Variants in COL4A6 observed in about 807,000 individuals in gnomAD.
COL4A6 encodes collagen type IV alpha 6 chain, also known as collagen alpha-6(IV) chain.
COL4A6 carries 59 observed loss-of-function variants against 126.7 expected under a neutral mutation model. That is an observed-to-expected ratio of 0.47 (90% CI 0.38 to 0.58). The LOEUF (loss-of-function observed/expected upper bound fraction) is 0.58, where lower values mean the gene tolerates loss of function less well. Among genes scored for constraint, COL4A6 ranks in the 20% least tolerant of loss-of-function variants. The probability of loss-of-function intolerance (pLI) is 0.00; values close to 1 mark genes in which losing one functional copy is unlikely to be tolerated. For missense variants in COL4A6, 1,285 were observed against 1,337.3 expected (o/e 0.96, Z 0.61); for synonymous variants, 547 against 496.6 (o/e 1.10, Z -1.35).
chrX:108,400,468 C>G (rs1459031717), intron 2 of COL4A6, among the ~76,000 whole-genome samples: 6 of 111,372 alleles, frequency 5.4e-5, no homozygotes, highest in Admixed American at 9.6e-5. Flanking sequence ...AGAGCTGCAT[C>G]TCAGAGCAAT....
intron 3 of COL4A6, among the ~76,000 whole-genome samples, chrX:108,298,405 G>A (rs2147869533): frequency 8.9e-6 from 1 of 112,448 alleles, no homozygotes; most frequent in Non-Finnish European, 1.9e-5. Flanking sequence ...AGCCTGGGCT[G>A]GCAGGGGGAA....
At chrX:108,377,556 C>CTTT (rs199647476) in intron 2 of COL4A6, among the ~76,000 whole-genome samples, 1 of 86,450 alleles carries the variant, frequency 1.2e-5, no homozygotes, top group Admixed American at 1.3e-4. Context: ...AAAAAAATTT[C>CTTT]TTTTTTTTTT....
intron 2 of COL4A6, among the ~76,000 whole-genome samples, chrX:108,406,869 T>C (rs2041218174): frequency 8.9e-6 from 1 of 112,085 alleles, no homozygotes; most frequent in East Asian, 2.8e-4. Context: ...TGTGTGTCTG[T>C]CTTCCTTGCT....
At chrX:108,208,829 T>G (rs1429169526) in intron 8 of COL4A6, among the ~76,000 whole-genome samples, 7 of 111,169 alleles carry the variant, frequency 6.3e-5, no homozygotes, top group Non-Finnish European at 1.3e-4. Flanking sequence ...CAGAAATAAA[T>G]GATAGTCTGA....
At chrX:108,237,547 T>C (rs2036458681) in intron 3 of COL4A6, among the ~76,000 whole-genome samples, 1 of 112,096 alleles carries the variant, frequency 8.9e-6, no homozygotes, top group Non-Finnish European at 1.9e-5. Context: ...TCAGCTCAAA[T>C]CTGCCCTCTT....
Position 108,157,101 on chromosome X carries a change from C to A in COL4A6, c.4972G>T (p.Glu1658Ter). The change falls in exon 45 of 45, where the codon GAG becomes TAG. Residue 1658 changes from glutamate (E) to a stop codon, truncating the protein, a stop_gained. Coordinates refer to ENST00000334504, the MANE Select transcript of COL4A6 (RefSeq NM_033641.4). LOFTEE classifies it high-confidence loss of function. The part of the protein sequence containing the change: ...KYSFWLTTVE[E>*]RQQFGELPVS... ...GGCAACTCCCCAAACTGCTGCCTCT[C>A]CTCCACTGTGGTCAACCAGAAACTG... 2.5e-6 allele frequency: 3 copies of A among 1,211,961 alleles called. No individual in the cohort carries two copies. The highest frequency in any genetic ancestry group is 3.4e-6 in the Non-Finnish European group (3 of 895,466).
At chrX:108,175,254 A>C (rs1176780394) in intron 29 of COL4A6, 39 bp from the exon 30 acceptor site, 38 of 1,134,583 alleles carry the variant, frequency 3.3e-5, no homozygotes, top group Non-Finnish European at 4.4e-5. Context: ...GAGAGCTTAG[A>C]CGCAGGGTCA....
chrX:108,421,456 T>C (rs893172008), intron 2 of COL4A6, among the ~76,000 whole-genome samples: 2 of 111,459 alleles, frequency 1.8e-5, no homozygotes, highest in African/African-American at 6.5e-5. Context: ...GGTAGTTCAA[T>C]GAGGATAAGG....
chrX:108,399,631 C>G (rs1222754641), intron 2 of COL4A6, among the ~76,000 whole-genome samples: 2 of 111,110 alleles, frequency 1.8e-5, no homozygotes, highest in African/African-American at 6.5e-5. Context: ...AATGCTAGGG[C>G]TGGAAGGAAG....
intron 2 of COL4A6, among the ~76,000 whole-genome samples, chrX:108,415,693 T>C (rs2148254395): frequency 8.9e-6 from 1 of 112,536 alleles, no homozygotes; most frequent in Admixed American, 9.4e-5. Flanking sequence ...TCTGGAAGAA[T>C]GATCAACCTT....
At chrX:108,404,342 C>T (rs1223854167) in intron 2 of COL4A6, among the ~76,000 whole-genome samples, 1 of 111,875 alleles carries the variant, frequency 8.9e-6, no homozygotes, top group Non-Finnish European at 1.9e-5. Context: ...ATTTATTCTA[C>T]TGATAAATTC....
At chrX:108,373,645 T>C (rs1018548823) in intron 2 of COL4A6, among the ~76,000 whole-genome samples, 5 of 111,415 alleles carry the variant, frequency 4.5e-5, no homozygotes, top group Non-Finnish European at 9.4e-5. Flanking sequence ...AAGCCTGTTA[T>C]ATCTCCCCAG....
At chrX:108,284,374 G>A (rs1195754096) in intron 3 of COL4A6, among the ~76,000 whole-genome samples, 3 of 110,888 alleles carry the variant, frequency 2.7e-5, no homozygotes, top group Non-Finnish European at 5.7e-5. Flanking sequence ...ATGTGCTGAT[G>A]GGTGCAGCAA....
chrX:108,406,378 TCTA>T (rs1223385217), intron 2 of COL4A6, among the ~76,000 whole-genome samples: 43 of 112,545 alleles, frequency 3.8e-4, no homozygotes, highest in Middle Eastern at 4.6e-3. Context: ...ACCCAACATT[TCTA>T]CTAACCTTCC....
At chrX:108,257,785 C>T (rs2037045559) in intron 3 of COL4A6, among the ~76,000 whole-genome samples, 1 of 111,328 alleles carries the variant, frequency 9.0e-6, no homozygotes, top group East Asian at 2.9e-4. Context: ...ATAAAAGGTT[C>T]TTCCCCAATC....
At chrX:108,183,578 C>T (rs2034752557) in intron 23 of COL4A6, 1 of 318,535 alleles carries the variant, frequency 3.1e-6, no homozygotes, top group Admixed American at 6.4e-5. Context: ...GCCTTTGCAT[C>T]CCAGCCTTAG....
At chrX:108,161,786 G>A (rs1475663491) in intron 41 of COL4A6, 51 bp from the exon 42 acceptor site, 3 of 848,398 alleles carry the variant, frequency 3.5e-6, no homozygotes, top group Non-Finnish European at 3.5e-6. Context: ...GGGTCCCCAG[G>A]CACCTTCCCC....
chrX:108,214,134 T>C lies in COL4A6; in HGVS notation c.419A>G (p.Tyr140Cys), dbSNP rs775163525. The C allele has an allele frequency of 8.3e-7, 1 of 1,206,265 alleles. No individual in the cohort carries two copies. The highest frequency in any genetic ancestry group is 1.8e-5 in the African/African-American group (1 of 56,979). The change falls in exon 6 of 45, where the codon TAT (tyrosine) becomes TGT (cysteine). Residue 140 changes from tyrosine (Y) to cysteine (C), a missense_variant. Transcript: ENST00000334504. ...GAVGFPGPDG[Y>C]PGLLGPPGLP... Reference sequence around the variant, plus strand: ...TACGGGTGGTCCGAGAAGCCCAGGATAGCCATCAGGGCCTGGAAATCCAAC... The same window carrying C: ...TACGGGTGGTCCGAGAAGCCCAGGACAGCCATCAGGGCCTGGAAATCCAAC...
intron 3 of COL4A6, among the ~76,000 whole-genome samples, chrX:108,280,463 A>G (rs2037776357): frequency 8.9e-6 from 1 of 112,117 alleles, no homozygotes; most frequent in Non-Finnish European, 1.9e-5. Flanking sequence ...GAATCTCTGA[A>G]TAGACCAATA....
Sources: gnomAD v4.1 joint callset for allele counts (sites outside exome capture counted in the v4.1 genomes callset) on GRCh38, gnomAD v4.1.1 for gene constraint, MANE v1.5 for transcripts, NCBI Gene and HGNC (gene_info 2026-07-23, HGNC 2026-07-21) for gene names.